LPAR1: variants seen among roughly 807,000 people sequenced by gnomAD.
LPAR1 encodes lysophosphatidic acid receptor 1.
LPAR1 carries 5 observed loss-of-function variants against 23.8 expected under a neutral mutation model. The observed-to-expected ratio is 0.21, with a 90% confidence interval of 0.11 to 0.44. The LOEUF is 0.44. Among genes scored for constraint, LPAR1 ranks in the 20% least tolerant of loss-of-function variants. The pLI is 0.99. For missense variants in LPAR1, 311 were observed against 482.8 expected, an observed-to-expected ratio of 0.64 and a Z score of 3.33; for synonymous variants, 160 against 164.7, an observed-to-expected ratio of 0.97 and a Z score of 0.22.
At chr9:110,931,681 C>T (rs940283219) in intron 5 of LPAR1, among the ~76,000 whole-genome samples, 5 of 152,132 alleles carry the variant, frequency 3.3e-5, no homozygotes, top group South Asian at 2.1e-4. Context: ...TTTAATCCAT[C>T]TTGAATTAAT....
In LPAR1 at chr9:110,940,961, T is replaced by C. The variant is rs114806511; in HGVS notation, c.793+460A>G. Among the ~76,000 whole-genome samples the C allele has an allele frequency of 7.0e-3, 1,068 of 152,322 alleles. 15 individuals carry two copies. Among genetic ancestry groups the C allele is most frequent in the African/African-American group, 0.024 (1,015 of 41,574 alleles). On this transcript the variant is annotated intron_variant, in intron 5 of 5. Coordinates refer to ENST00000683809, the MANE Select transcript of LPAR1 (RefSeq NM_001351411.2). The stretch of plus-strand genomic sequence containing the variant: ...TCAGTAAATCTATATAAAACCTTGA[T>C]ATACTACCTATAATGTAGCAACAAT...
At chr9:110,959,355 G>A (rs1186773119) in intron 4 of LPAR1, among the ~76,000 whole-genome samples, 5 of 151,168 alleles carry the variant, frequency 3.3e-5, no homozygotes, top group African/African-American at 7.3e-5. Flanking sequence ...AGGGAGGGAG[G>A]GCATCATTTC....
At chr9:110,995,758 A>T (rs2096987264) in intron 2 of LPAR1, among the ~76,000 whole-genome samples, 1 of 152,206 alleles carries the variant, frequency 6.6e-6, no homozygotes, top group Non-Finnish European at 1.5e-5. Context: ...GAAGTGAAGC[A>T]AAGGGAATTA....
chr9:110,983,278 G>A (rs555042670), intron 2 of LPAR1, among the ~76,000 whole-genome samples: 1 of 152,006 alleles, frequency 6.6e-6, no homozygotes, highest in Non-Finnish European at 1.5e-5. Flanking sequence ...AACAACAGAT[G>A]AACAGACATA....
In LPAR1 at chr9:110,921,327, T is replaced by C. The variant is rs150302943; in HGVS notation, c.793+20094A>G. Among the ~76,000 whole-genome samples the C allele has an allele frequency of 7.8e-3, 1,189 of 152,314 alleles. 59 individuals carry two copies. Among genetic ancestry groups the C allele is most frequent in the Admixed American group, 0.061 (939 of 15,288 alleles). ...TATTTTTCCTTTCAATATTTATGTT[T>C]CCTCTCATGAACTGACAAACTAAAC... On this transcript the variant is annotated intron_variant, in intron 5 of 5. Transcript: ENST00000683809.
At chr9:110,989,662 G>T (rs1294184430) in intron 2 of LPAR1, among the ~76,000 whole-genome samples, 2 of 151,942 alleles carry the variant, frequency 1.3e-5, no homozygotes, top group African/African-American at 4.8e-5. Flanking sequence ...AAATCATAAA[G>T]TATACCAAAT....
At chr9:111,023,053 CAAAAAAAA>C (rs35394780) in intron 2 of LPAR1, among the ~76,000 whole-genome samples, 5 of 56,720 alleles carry the variant, frequency 8.8e-5, no homozygotes, top group African/African-American at 2.8e-4. Context: ...TCCGTCTCAA[CAAAAAAAA>C]AAAAAAAAAA....
intron 4 of LPAR1, among the ~76,000 whole-genome samples, chr9:110,963,524 C>G (rs1460033724): frequency 6.6e-6 from 1 of 152,114 alleles, no homozygotes; most frequent in East Asian, 1.9e-4. Context: ...ACCTCTTTCT[C>G]CCTGTAAAGA....
intron 5 of LPAR1, among the ~76,000 whole-genome samples, chr9:110,912,625 T>C (rs767100948): frequency 1.3e-5 from 2 of 152,174 alleles, no homozygotes; most frequent in African/African-American, 4.8e-5. Context: ...TATTCAGGCT[T>C]TCATCAACTA....
intron 5 of LPAR1, among the ~76,000 whole-genome samples, chr9:110,915,640 TAC>T (rs2093004062): frequency 1.3e-5 from 2 of 152,212 alleles, no homozygotes; most frequent in Non-Finnish European, 2.9e-5. Context: ...CATGTATATA[TAC>T]ACACATACAT....
chr9:110,928,778 C>G (rs1270651874), intron 5 of LPAR1, among the ~76,000 whole-genome samples: 1 of 152,180 alleles, frequency 6.6e-6, no homozygotes, highest in Non-Finnish European at 1.5e-5. Flanking sequence ...AAACCCAATC[C>G]CTTCAGCATA....
At chr9:110,945,620 A>T (rs1435627097) in intron 4 of LPAR1, among the ~76,000 whole-genome samples, 1 of 152,196 alleles carries the variant, frequency 6.6e-6, no homozygotes, top group Admixed American at 6.5e-5. Flanking sequence ...AGCAGCATAA[A>T]TATACAAATT....
At chr9:110,881,400 C>T (rs2080788001) in intron 5 of LPAR1, among the ~76,000 whole-genome samples, 2 of 152,272 alleles carry the variant, frequency 1.3e-5, no homozygotes, top group South Asian at 4.2e-4. Flanking sequence ...TTTTAACATT[C>T]CTGGGTGACA....
At chr9:110,897,771 A>T (rs2086955303) in intron 5 of LPAR1, among the ~76,000 whole-genome samples, 2 of 151,970 alleles carry the variant, frequency 1.3e-5, no homozygotes. Context: ...ATTGAAAAGT[A>T]GAAAAAAATA....
In LPAR1 at chr9:110,902,923, C is replaced by A. The variant is rs187772179; in HGVS notation, c.794-27201G>T. ...CAGACGCCAGGAGGAACCCTAGCAG[C>A]CCCAGATAAACCAAGAAGACCAAAA... On this transcript the variant is annotated intron_variant, in intron 5 of 5. Transcript: ENST00000683809. 8.8e-4 allele frequency among the ~76,000 whole-genome samples: 134 copies of A among 152,266 alleles called. 1 individual carries two copies. The highest frequency in any genetic ancestry group is 3.1e-3 in the African/African-American group (129 of 41,540).
intron 5 of LPAR1, among the ~76,000 whole-genome samples, chr9:110,888,373 T>C (rs1009028078): frequency 3.9e-5 from 6 of 152,150 alleles, no homozygotes; most frequent in Admixed American, 2.6e-4. Flanking sequence ...TGTGGAGTGT[T>C]TTTATGGATT....
chr9:111,032,026 A>G (rs1473023037), intron 2 of LPAR1, among the ~76,000 whole-genome samples: 1 of 152,244 alleles, frequency 6.6e-6, no homozygotes, highest in Non-Finnish European at 1.5e-5. Context: ...GGGTCTGTCC[A>G]CATCTTGTTT....
chr9:110,891,268 T>C (rs1344768662), intron 5 of LPAR1, among the ~76,000 whole-genome samples: 4 of 152,126 alleles, frequency 2.6e-5, no homozygotes, highest in African/African-American at 9.7e-5. Context: ...TGCAAGATAA[T>C]CATCATCTAG....
At chr9:110,999,319 T>A (rs149554528) in intron 2 of LPAR1, 32 of 447,776 alleles carry the variant, frequency 7.1e-5, no homozygotes, top group African/African-American at 6.4e-4. Context: ...GCAACTGGTG[T>A]CCAACGAATG....
Sources: gnomAD v4.1 joint callset for allele counts (sites outside exome capture counted in the v4.1 genomes callset) on GRCh38, gnomAD v4.1.1 for gene constraint, MANE v1.5 for transcripts, NCBI Gene and HGNC (gene_info 2026-07-23, HGNC 2026-07-21) for gene names.